PIK3CG: variants seen among roughly 807,000 people sequenced by gnomAD.
PIK3CG encodes phosphatidylinositol-4,5-bisphosphate 3-kinase catalytic subunit gamma.
In PIK3CG, 55 loss-of-function variants were observed where a neutral mutation model predicts 102.3. That is an observed-to-expected ratio of 0.54 (90% CI 0.43 to 0.67). PIK3CG has a LOEUF of 0.67. Among genes scored for constraint, PIK3CG ranks in the 30% least tolerant of loss-of-function variants. PIK3CG has a pLI of 0.00. For missense variants in PIK3CG, 1,258 were observed against 1,391.8 expected (o/e 0.90, Z 1.53); for synonymous variants, 552 against 540.0 (o/e 1.02, Z -0.31).
At position 106,867,934 on chromosome 7, in the gene PIK3CG, T is replaced by C. The variant is rs778920416; in HGVS notation, c.373T>C (p.Trp125Arg). 2.5e-6 allele frequency: 4 copies of C among 1,613,236 alleles called. No individual in the cohort carries two copies. Among genetic ancestry groups the C allele is most frequent in the Non-Finnish European group, 3.4e-6 (4 of 1,179,954 alleles). Residue 125 changes from tryptophan to arginine, a missense_variant, in exon 2 of 11, where the codon TGG (tryptophan) becomes CGG (arginine). This residue lies in a region of PIK3CG where 832 missense variants were observed against 787.5 expected (regional missense o/e 1.06). Transcript: ENST00000496166. The surrounding 1 kb of genome is among the most constrained non-coding windows in gnomAD (Gnocchi z 5.1). Reference sequence around the variant, plus strand: ...GCAGACTCTGGACTGCCTGCGCTACTGGAAGGCCACGCACCGGAGCCCGGG... The same window carrying C: ...GCAGACTCTGGACTGCCTGCGCTACCGGAAGGCCACGCACCGGAGCCCGGG... ...VVQTLDCLRY[W>R]KATHRSPGQI...
intron 10 of PIK3CG, among the ~76,000 whole-genome samples, chr7:106,904,788 T>C (rs1272614300): frequency 1.3e-5 from 2 of 152,230 alleles, no homozygotes; most frequent in Admixed American, 1.3e-4. Context: ...GACTCATTGC[T>C]CTTCAGAAAT....
chr7:106,887,706 G>C (rs1791140002), intron 10 of PIK3CG, among the ~76,000 whole-genome samples: 1 of 151,822 alleles, frequency 6.6e-6, no homozygotes, highest in Non-Finnish European at 1.5e-5. Context: ...TTTCTTTAAA[G>C]TTAAAAATCA....
intron 10 of PIK3CG, among the ~76,000 whole-genome samples, chr7:106,888,451 G>T (rs2116571726): frequency 6.6e-6 from 1 of 152,196 alleles, no homozygotes; most frequent in South Asian, 2.1e-4. Flanking sequence ...TGCAGTATAG[G>T]GAGGCCAAGG....
intron 2 of PIK3CG, among the ~76,000 whole-genome samples, chr7:106,870,629 C>CG (rs1007587344): frequency 6.6e-6 from 1 of 152,118 alleles, no homozygotes; most frequent in African/African-American, 2.4e-5. Flanking sequence ...TAAGAGACCC[C>CG]GGGACAGTTC....
chr7:106,870,727 A>G (rs1320527587), intron 2 of PIK3CG, among the ~76,000 whole-genome samples: 1 of 152,240 alleles, frequency 6.6e-6, no homozygotes, highest in Non-Finnish European at 1.5e-5. Flanking sequence ...CCGTATTTAT[A>G]GGAAGTTCTG....
rs1791242464 is a variant in PIK3CG, at chr7:106,890,637, A to G, written c.3030+4345A>G. Among the ~76,000 whole-genome samples, 1 of 152,276 alleles carries G rather than the reference A, an allele frequency of 6.6e-6. No homozygotes were observed. The highest frequency in any genetic ancestry group is 6.5e-5 in the Admixed American group (1 of 15,288). Reference sequence around the variant, plus strand: ...CATGTTAGTTTCTAGAAGATTGTAAATTAATCAGCATTTGCTTAAAAACTG... The same window carrying G: ...CATGTTAGTTTCTAGAAGATTGTAAGTTAATCAGCATTTGCTTAAAAACTG... On this transcript the variant is annotated intron_variant, in intron 10 of 10. Coordinates refer to ENST00000496166, the MANE Select transcript of PIK3CG (RefSeq NM_001282426.2). This position sits in a 1 kb window ranked among gnomAD's most constrained non-coding sequence, Gnocchi z 4.2.
intron 2 of PIK3CG, among the ~76,000 whole-genome samples, chr7:106,871,212 G>A (rs1306208570): frequency 6.6e-6 from 1 of 152,056 alleles, no homozygotes; most frequent in Admixed American, 6.5e-5. Flanking sequence ...TGGTCTCCTA[G>A]TTGAGATCTG....
rs1791652236 is a variant in PIK3CG, at chr7:106,905,021, A to G, written c.3031-88A>G. On this transcript the variant is annotated intron_variant, in intron 10 of 10. Coordinates refer to ENST00000496166, the MANE Select transcript of PIK3CG (RefSeq NM_001282426.2). This position sits in a 1 kb window ranked among gnomAD's most constrained non-coding sequence, Gnocchi z 5.6. Reference sequence around the variant, plus strand: ...TTTCTTCTCATGGACAGGTAACTCTATGTACATTTCAGTACATCCCTGTAA... The same window carrying G: ...TTTCTTCTCATGGACAGGTAACTCTGTGTACATTTCAGTACATCCCTGTAA... The G allele has an allele frequency of 3.4e-6, 4 of 1,160,228 alleles. No individual in the cohort carries two copies. The highest frequency in any genetic ancestry group is 2.3e-5 in the East Asian group (1 of 42,636). 71.9% of individuals were successfully genotyped at this position (1,160,228 alleles called of 1,614,324 possible).
rs1463041855 is a variant in PIK3CG at position 106,868,684 on chromosome 7, C to G, written c.1123C>G (p.Arg375Gly). 8 of 1,614,230 alleles carry G rather than the reference C, an allele frequency of 5.0e-6. No homozygotes were observed. The highest frequency in any genetic ancestry group is 1.7e-5 in the Admixed American group (1 of 60,032). ...AGGCATTGATATCCCCGTCCTGCCT[C>G]GGAACACCGACCTCACAGTTTTTGT... ...IRGIDIPVLP[R>G]NTDLTVFVEA... The change falls in exon 2 of 11, where the codon CGG becomes GGG. Residue 375 changes from arginine (R) to glycine (G), a missense_variant. Physicochemically the swap from Arg to Gly is moderately radical, Grantham distance 125. This residue lies in a region of PIK3CG where 832 missense variants were observed against 787.5 expected (regional missense o/e 1.06). Transcript: ENST00000496166. This position sits in a 1 kb window ranked among gnomAD's most constrained non-coding sequence, Gnocchi z 6.2.
chr7:106,875,710 TA>T (rs2116504204), intron 5 of PIK3CG, among the ~76,000 whole-genome samples: 1 of 152,366 alleles, frequency 6.6e-6, no homozygotes, highest in East Asian at 1.9e-4. Flanking sequence ...CTTGTATGGA[TA>T]TACCACAGTT....
chr7:106,907,764 T>TTAACATATATATGCTAATATATATA lies in PIK3CG; in HGVS notation c.*2377_*2378insTAACATATATATGCTAATATATATA. 6.9e-6 allele frequency among the ~76,000 whole-genome samples: 1 copy of TTAACATATATATGCTAATATATATA among 145,948 alleles called. No individual in the cohort carries two copies. Among genetic ancestry groups the TTAACATATATATGCTAATATATATA allele is most frequent in the East Asian group, 2.0e-4 (1 of 5,020 alleles). On this transcript the variant is annotated 3_prime_UTR_variant, in exon 11 of 11. Coordinates refer to ENST00000496166, the MANE Select transcript of PIK3CG (RefSeq NM_001282426.2). ...TAACATATATATGCTAATATATATA[T>TTAACATATATATGCTAATATATATA]AACATATATATGCTAATATATATAT...
chr7:106,882,048 TA>T (rs1162773683), intron 6 of PIK3CG, 68 bp from the exon 7 acceptor site: 1 of 597,588 alleles, frequency 1.7e-6, no homozygotes, highest in Non-Finnish European at 2.5e-6. Context: ...TTGCTATTTT[TA>T]AGGGAGAAGA....
At position 106,868,674 on chromosome 7, in the gene PIK3CG, C is replaced by T. The variant is rs1269663550; in HGVS notation, c.1113C>T (p.Pro371=). 4 of 1,614,108 alleles carry T rather than the reference C, an allele frequency of 2.5e-6. No individual in the cohort carries two copies. In the African/African-American group the frequency reaches 4.0e-5, roughly 16 times the overall value. Reference sequence around the variant, plus strand: ...TCAAGATCAGAGGCATTGATATCCCCGTCCTGCCTCGGAACACCGACCTCA... The same window carrying T: ...TCAAGATCAGAGGCATTGATATCCCTGTCCTGCCTCGGAACACCGACCTCA... ...FRVKIRGIDI[P]VLPRNTDLTV... Residue 371 remains proline (P), a synonymous_variant, in exon 2 of 11, where the codon CCC becomes CCT. Transcript: ENST00000496166. The surrounding 1 kb of genome is among the most constrained non-coding windows in gnomAD (Gnocchi z 6.2).
rs1305328458 is a variant in PIK3CG at position 106,868,009 on chromosome 7, T to G, written c.448T>G (p.Phe150Val). The change falls in exon 2 of 11, where the codon TTC becomes GTC. Residue 150 changes from phenylalanine (F) to valine (V), a missense_variant. This residue lies in a region of PIK3CG where 832 missense variants were observed against 787.5 expected (regional missense o/e 1.06). Coordinates refer to ENST00000496166, the MANE Select transcript of PIK3CG (RefSeq NM_001282426.2). This position sits in a 1 kb window ranked among gnomAD's most constrained non-coding sequence, Gnocchi z 6.2. Reference protein sequence around the residue: ...RHPPSEESQAFQRQLTALIGY... With the variant: ...RHPPSEESQAVQRQLTALIGY... ...CCCGCCCTCCGAGGAGTCCCAAGCC[T>G]TCCAGCGGCAGCTCACGGCGCTGAT... 6 of 1,612,076 alleles carry G rather than the reference T, an allele frequency of 3.7e-6. No homozygotes were observed. The highest frequency in any genetic ancestry group is 2.7e-5 in the African/African-American group (2 of 74,904).
chr7:106,887,493 C>G (rs746098860), intron 10 of PIK3CG, among the ~76,000 whole-genome samples: 1 of 152,120 alleles, frequency 6.6e-6, no homozygotes, highest in East Asian at 1.9e-4. Context: ...TGTTTTGAAA[C>G]CTGTCTGTTC....
rs144965184 is a variant in PIK3CG at position 106,884,614 on chromosome 7, C to T, written c.2872+348C>T. Among the ~76,000 whole-genome samples the T allele has an allele frequency of 4.1e-4, 63 of 152,252 alleles. No individual in the cohort carries two copies. Among genetic ancestry groups the T allele is most frequent in the Non-Finnish European group, 6.6e-4 (45 of 68,012 alleles). ...CCCCAACCTCTTTGGCACCAAGGACCGGCTTCTTGGAAGACACCTTTTCCA... is the reference window on the plus strand; with the variant it reads ...CCCCAACCTCTTTGGCACCAAGGACTGGCTTCTTGGAAGACACCTTTTCCA... On this transcript the variant is annotated intron_variant, in intron 9 of 10. Transcript: ENST00000496166. This position sits in a 1 kb window ranked among gnomAD's most constrained non-coding sequence, Gnocchi z 4.2.
At position 106,907,713 on chromosome 7, in the gene PIK3CG, CA is replaced by C. The variant is rs1311841409; in HGVS notation, c.*2327del. ...TCCTCTTCAAATGAACCAGTTCTTT[CA>C]TTTCATTATGCTAATATATATATAT... On this transcript the variant is annotated 3_prime_UTR_variant, in exon 11 of 11. Transcript: ENST00000496166. Among the ~76,000 whole-genome samples the C allele has an allele frequency of 8.5e-6, 1 of 117,886 alleles. No individual in the cohort carries two copies. Among genetic ancestry groups the C allele is most frequent in the Non-Finnish European group, 1.9e-5 (1 of 51,338 alleles). The allele number at this position is 117,886 out of a possible 152,430, so 77.3% of individuals were successfully genotyped here.
In PIK3CG at chr7:106,867,797, T is replaced by G; in HGVS notation, c.236T>G (p.Leu79Arg). 6.2e-7 allele frequency: 1 copy of G among 1,612,658 alleles called. No individual in the cohort carries two copies. The highest frequency in any genetic ancestry group is 8.5e-7 in the Non-Finnish European group (1 of 1,179,922). The change falls in exon 2 of 11, where the codon CTG becomes CGG. Residue 79 changes from leucine (L) to arginine (R), a missense_variant. This residue lies in a region of PIK3CG where 832 missense variants were observed against 787.5 expected (regional missense o/e 1.06). Transcript: ENST00000496166. This position sits in a 1 kb window ranked among gnomAD's most constrained non-coding sequence, Gnocchi z 5.1. ...QMKAQVWLRALETSVAADFYH... is the reference protein window; with the variant it reads ...QMKAQVWLRARETSVAADFYH... Reference sequence around the variant, plus strand: ...AAGGCCCAGGTGTGGCTGCGAGCGCTGGAGACCAGCGTGGCGGCGGACTTC... The same window carrying G: ...AAGGCCCAGGTGTGGCTGCGAGCGCGGGAGACCAGCGTGGCGGCGGACTTC...
At position 106,905,806 on chromosome 7, in the gene PIK3CG, G is replaced by T; in HGVS notation, c.*419G>T. 3.9e-6 allele frequency: 1 copy of T among 256,240 alleles called. No homozygotes were observed. The highest frequency in any genetic ancestry group is 1.3e-4 in the South Asian group (1 of 7,810). 15.9% of individuals were successfully genotyped at this position (256,240 alleles called of 1,614,324 possible). ...GTTCCTCAAGCTCTTTAAAGAAAAA[G>T]ATGTAATCGTTGTAACCTTTGTCTC... On this transcript the variant is annotated 3_prime_UTR_variant, in exon 11 of 11. Coordinates refer to ENST00000496166, the MANE Select transcript of PIK3CG (RefSeq NM_001282426.2). The surrounding 1 kb of genome is among the most constrained non-coding windows in gnomAD (Gnocchi z 5.6).
Sources: gnomAD v4.1 joint callset for allele counts (sites outside exome capture counted in the v4.1 genomes callset) on GRCh38, gnomAD v4.1.1 for gene constraint, gnomAD v4.1.1 regional missense constraint, Gnocchi (gnomAD v3.1) non-coding constraint, MANE v1.5 for transcripts, NCBI Gene and HGNC (gene_info 2026-07-23, HGNC 2026-07-21) for gene names.